ASB1: variants seen among roughly 807,000 people sequenced by gnomAD.
ASB1 encodes ankyrin repeat and SOCS box containing 1.
Under a neutral mutation model 27.7 loss-of-function variants are expected in ASB1, and 18 were observed. The observed-to-expected ratio is 0.65, with a 90% confidence interval of 0.45 to 0.96. The LOEUF is 0.96. ASB1 is among the 50% of genes least tolerant of loss of function. The pLI is 0.00. For missense variants in ASB1, 397 were observed against 451.7 expected (o/e 0.88, Z 1.10); for synonymous variants, 189 against 187.6 (o/e 1.01, Z -0.06).
chr2:238,432,047 G>C (rs184687391), intron 1 of ASB1, among the ~76,000 whole-genome samples: 1 of 152,170 alleles, frequency 6.6e-6, no homozygotes, highest in Non-Finnish European at 1.5e-5. Context: ...ACACAATTAC[G>C]TGTGAAGCTT....
Position 238,444,367 on chromosome 2 carries a change from C to T in ASB1, c.520C>T (p.His174Tyr), listed in dbSNP as rs1435622596. ...GTACGGGGCTGATGTTGACGTCAACCACCACCTGACTCCTGATGTCCAGCC... is the reference window on the plus strand; with the variant it reads ...GTACGGGGCTGATGTTGACGTCAACTACCACCTGACTCCTGATGTCCAGCC... ...IRYGADVDVNHHLTPDVQPRF... is the reference protein window; with the variant it reads ...IRYGADVDVNYHLTPDVQPRF... The change falls in exon 4 of 5, where the codon CAC becomes TAC. Residue 174 changes from histidine to tyrosine, a missense_variant. His to Tyr is a moderately conservative substitution (Grantham distance 83). Transcript: ENST00000264607. 1.2e-6 allele frequency: 2 copies of T among 1,609,814 alleles called. No homozygotes were observed. Among genetic ancestry groups the T allele is most frequent in the South Asian group, 1.1e-5 (1 of 90,988 alleles).
intron 1 of ASB1, among the ~76,000 whole-genome samples, chr2:238,428,739 G>A (rs190557732): frequency 1.4e-4 from 21 of 152,300 alleles, no homozygotes; most frequent in East Asian, 5.8e-4. Flanking sequence ...GTTGATCAGC[G>A]AAACACAAAC....
At position 238,426,962 on chromosome 2, in the gene ASB1, C is replaced by G. The variant is rs1017113083; in HGVS notation, c.-109C>G. On this transcript the variant is annotated 5_prime_UTR_variant, in exon 1 of 5. Transcript: ENST00000264607. ...GCGCGCGCCCGCCGGAAGCCGCGAC[C>G]CCGACGCGCCCCCCATTGCCCTCGG... The G allele has an allele frequency of 3.7e-5, 34 of 909,644 alleles. No homozygotes were observed. The highest frequency in any genetic ancestry group is 5.2e-5 in the African/African-American group (3 of 57,836). The allele number at this position is 909,644 out of a possible 1,614,324, so 56.3% of individuals were successfully genotyped here. A position where few individuals can be genotyped will look rare whatever the true frequency, so the allele number is the denominator to read the frequency against.
intron 3 of ASB1, among the ~76,000 whole-genome samples, chr2:238,441,559 C>G (rs1440803621): frequency 6.6e-6 from 1 of 152,214 alleles, no homozygotes; most frequent in African/African-American, 2.4e-5. Context: ...ACCTCCTCCC[C>G]CACAGAAACA....
chr2:238,428,492 T>C (rs914300899), intron 1 of ASB1, among the ~76,000 whole-genome samples: 42 of 152,180 alleles, frequency 2.8e-4, no homozygotes, highest in African/African-American at 9.2e-4. Flanking sequence ...CTTCACCATA[T>C]TGGCATATTG....
At chr2:238,430,880 T>C (rs1383090742) in intron 1 of ASB1, among the ~76,000 whole-genome samples, 1 of 152,226 alleles carries the variant, frequency 6.6e-6, no homozygotes, top group African/African-American at 2.4e-5. Context: ...AGTCTCAACA[T>C]TGGGCTGAAA....
At chr2:238,443,333 C>A (rs181057475) in intron 3 of ASB1, among the ~76,000 whole-genome samples, 1 of 152,142 alleles carries the variant, frequency 6.6e-6, no homozygotes, top group East Asian at 1.9e-4. Flanking sequence ...GGAATTTTCC[C>A]TTCTACTTTT....
rs2290074 is a variant in ASB1, at chr2:238,444,372, C to T, written c.525C>T (p.His175=). The stretch of plus-strand genomic sequence containing the variant: ...GGGCTGATGTTGACGTCAACCACCA[C>T]CTGACTCCTGATGTCCAGCCTCGAT... ...RYGADVDVNH[H]LTPDVQPRFS... is the part of the protein sequence containing the mutation. Residue 175 remains histidine (H), a synonymous_variant, in exon 4 of 5, where the codon CAC becomes CAT. Coordinates refer to ENST00000264607, the MANE Select transcript of ASB1 (RefSeq NM_001040445.3). The T allele has an allele frequency of 4.9e-3, 7,837 of 1,611,624 alleles. 151 individuals carry two copies. Among genetic ancestry groups the T allele is most frequent in the African/African-American group, 0.048 (3,581 of 75,006 alleles).
intron 1 of ASB1, among the ~76,000 whole-genome samples, chr2:238,428,273 T>C (rs1701800146): frequency 1.3e-5 from 2 of 152,106 alleles, no homozygotes; most frequent in South Asian, 4.1e-4. Flanking sequence ...GAATAAACAC[T>C]GGCTTTGTCG....
chr2:238,447,553 G>A lies in ASB1; in HGVS notation c.*1042G>A, dbSNP rs902072646. 6.6e-6 allele frequency: 1 copy of A among 152,322 alleles called. No homozygotes were observed. Among genetic ancestry groups the A allele is most frequent in the Non-Finnish European group, 1.5e-5 (1 of 68,114 alleles). The allele number at this position is 152,322 out of a possible 1,614,324, so 9.4% of individuals were successfully genotyped here. ...TGATAGCTTTGGCTGCATGAGTTGG[G>A]CTTCCCCTTACCCAGGGCTGCACAG... On this transcript the variant is annotated 3_prime_UTR_variant, in exon 5 of 5. Transcript: ENST00000264607.
At chr2:238,438,654 A>C (rs1559414352) in intron 3 of ASB1, among the ~76,000 whole-genome samples, 1 of 152,258 alleles carries the variant, frequency 6.6e-6, no homozygotes, top group African/African-American at 2.4e-5. Context: ...CTTGGATAGT[A>C]GAGTGATACG....
chr2:238,450,489 C>A lies in ASB1; in HGVS notation c.*3978C>A, dbSNP rs1001843103. On this transcript the variant is annotated 3_prime_UTR_variant, in exon 5 of 5. Transcript: ENST00000264607. ...CAGCCCCAGAATTTCTTCTTAAGTT[C>A]GCCTGTCTCTGAAATCCCAAAGTCA... 6.6e-6 allele frequency: 1 copy of A among 152,336 alleles called. No homozygotes were observed. Among genetic ancestry groups the A allele is most frequent in the South Asian group, 2.1e-4 (1 of 4,828 alleles). The allele number at this position is 152,336 out of a possible 1,614,324, so 9.4% of individuals were successfully genotyped here.
chr2:238,435,624 G>C, intron 2 of ASB1, 87 bp from the exon 3 acceptor site: 1 of 1,381,950 alleles, frequency 7.2e-7, no homozygotes. Context: ...GGGGGACCGT[G>C]TCCATGCTGC....
intron 4 of ASB1, 63 bp from the exon 5 acceptor site, chr2:238,446,321 C>G (rs1702179185): frequency 1.3e-6 from 2 of 1,515,358 alleles, no homozygotes; most frequent in South Asian, 1.3e-5. Flanking sequence ...GCTGCCTTTT[C>G]TCTCTATAAC....
In ASB1 at chr2:238,448,137, A is replaced by G. The variant is rs1432052413; in HGVS notation, c.*1626A>G. On this transcript the variant is annotated 3_prime_UTR_variant, in exon 5 of 5. Transcript: ENST00000264607. Reference sequence around the variant, plus strand: ...CTTGGGATTGGGTCCTGCTGAAGCCAGGAGGGTCTTCCCAAGATAGGAGAG... The same window carrying G: ...CTTGGGATTGGGTCCTGCTGAAGCCGGGAGGGTCTTCCCAAGATAGGAGAG... The G allele has an allele frequency of 6.6e-6, 1 of 152,352 alleles. No individual in the cohort carries two copies. Among genetic ancestry groups the G allele is most frequent in the African/African-American group, 2.4e-5 (1 of 41,438 alleles). 9.4% of individuals were successfully genotyped at this position (152,352 alleles called of 1,614,324 possible). A position where few individuals can be genotyped will look rare whatever the true frequency, so the allele number is the denominator to read the frequency against.
intron 1 of ASB1, among the ~76,000 whole-genome samples, chr2:238,429,256 C>T (rs1701821664): frequency 6.6e-6 from 1 of 152,186 alleles, no homozygotes; most frequent in Non-Finnish European, 1.5e-5. Context: ...CCTGTCTGGT[C>T]TCACACTAGG....
Position 238,435,915 on chromosome 2 carries a change from A to G in ASB1, c.396A>G (p.Glu132=), listed in dbSNP as rs1701960664. The change falls in exon 3 of 5, where the codon GAA becomes GAG. Residue 132 remains glutamate (E), a synonymous_variant. Coordinates refer to ENST00000264607, the MANE Select transcript of ASB1 (RefSeq NM_001040445.3). ...GHLESTQILL[E]AGADPNGSRH... ...TAGAGAGTACCCAGATCCTTCTCGA[A>G]GCTGGCGCGGACCCCAACGGAAGCC... 6.2e-7 allele frequency: 1 copy of G among 1,614,186 alleles called. No homozygotes were observed. The highest frequency in any genetic ancestry group is 8.5e-7 in the Non-Finnish European group (1 of 1,180,030).
chr2:238,440,024 C>T (rs544308115), intron 3 of ASB1, among the ~76,000 whole-genome samples: 2 of 152,250 alleles, frequency 1.3e-5, no homozygotes, highest in East Asian at 1.9e-4. Flanking sequence ...TTTTGATATT[C>T]GTATTGTCTC....
intron 3 of ASB1, among the ~76,000 whole-genome samples, chr2:238,444,028 A>G (rs1287130590): frequency 6.6e-6 from 1 of 152,236 alleles, no homozygotes; most frequent in African/African-American, 2.4e-5. Context: ...CAGTTTCATC[A>G]GATGAATTTG....
Sources: gnomAD v4.1 joint callset for allele counts (sites outside exome capture counted in the v4.1 genomes callset) on GRCh38, gnomAD v4.1.1 for gene constraint, MANE v1.5 for transcripts, NCBI Gene and HGNC (gene_info 2026-07-23, HGNC 2026-07-21) for gene names.